Variants in TNIK observed in about 807,000 individuals in gnomAD.
TNIK encodes the protein TRAF2 and NCK interacting kinase.
In TNIK, 49 loss-of-function variants were observed where a neutral mutation model predicts 191.3. That is an observed-to-expected ratio of 0.26 (90% CI 0.20 to 0.32). The LOEUF is 0.32. Ranked by LOEUF, TNIK falls within the 10% of genes least tolerant of loss-of-function variation. The probability of loss-of-function intolerance (pLI) is 1.00; values close to 1 mark genes in which losing one functional copy is unlikely to be tolerated. For missense variants in TNIK, 1,155 were observed against 1,702.3 expected, an observed-to-expected ratio of 0.68 and a Z score of 5.66; for synonymous variants, 594 against 600.9, an observed-to-expected ratio of 0.99 and a Z score of 0.17.
intron 2 of TNIK, among the ~76,000 whole-genome samples, chr3:171,285,434 G>A (rs915464697): frequency 1.1e-4 from 17 of 152,044 alleles, no homozygotes; most frequent in African/African-American, 3.9e-4. Context: ...AGGTGGTGTG[G>A]TAGAGTGGAA....
intron 1 of TNIK, among the ~76,000 whole-genome samples, chr3:171,389,024 A>AT (rs2108540797): frequency 6.6e-6 from 1 of 152,318 alleles, no homozygotes; most frequent in African/African-American, 2.4e-5. Flanking sequence ...AAGCACTTAC[A>AT]TGCATTTTCT....
At chr3:171,435,912 A>G (rs6791254) in intron 1 of TNIK, among the ~76,000 whole-genome samples, 1 of 152,202 alleles carries the variant, frequency 6.6e-6, no homozygotes, top group African/African-American at 2.4e-5. Context: ...AGACAGACAG[A>G]ACAACTCAGA....
At chr3:171,139,595 A>C (rs1318925604) in intron 13 of TNIK, 39 bp from the exon 14 acceptor site, 1 of 1,600,270 alleles carries the variant, frequency 6.2e-7, no homozygotes, top group Non-Finnish European at 8.6e-7. Context: ...AGGAACAGAA[A>C]GAAAGAGAGA....
rs375830723 is a variant in TNIK at position 171,123,654 on chromosome 3, A to G, written c.2062T>C (p.Ser688Pro). The change falls in exon 18 of 33, where the codon TCT becomes CCT. Residue 688 changes from serine (S) to proline (P), a missense_variant. Coordinates refer to ENST00000436636, the MANE Select transcript of TNIK (RefSeq NM_015028.4). ...CCCAGAGCACTACCATTCCCAGGAG[A>G]ATTCTTTCTGGCTAATGCTGGGGAT... The part of the protein sequence containing the change: ...SISPALARKN[S>P]PGNGSALGPR... The G allele has an allele frequency of 2.2e-5, 34 of 1,579,066 alleles. No individual in the cohort carries two copies. In the African/African-American group the frequency reaches 4.6e-4, roughly 21 times the overall value.
intron 10 of TNIK, among the ~76,000 whole-genome samples, chr3:171,163,071 A>C (rs899785384): frequency 7.9e-5 from 12 of 152,342 alleles, no homozygotes; most frequent in South Asian, 6.2e-4. Flanking sequence ...CAACATATCC[A>C]CATGAGTAAG....
At chr3:171,382,510 C>T (rs1381890421) in intron 1 of TNIK, among the ~76,000 whole-genome samples, 1 of 152,148 alleles carries the variant, frequency 6.6e-6, no homozygotes, top group African/African-American at 2.4e-5. Flanking sequence ...CATGAGCCAC[C>T]GTGCCCGGCC....
chr3:171,313,013 T>C (rs1754215542), intron 2 of TNIK, among the ~76,000 whole-genome samples: 1 of 152,088 alleles, frequency 6.6e-6, no homozygotes, highest in African/African-American at 2.4e-5. Flanking sequence ...CCCAGGGTGC[T>C]ACGCCGAATA....
intron 3 of TNIK, among the ~76,000 whole-genome samples, chr3:171,220,961 G>T (rs1026892242): frequency 6.6e-6 from 1 of 152,048 alleles, no homozygotes; most frequent in African/African-American, 2.4e-5. Context: ...ATGAACATGC[G>T]CAGAGACCCA....
chr3:171,194,223 A>G (rs1448270010), intron 5 of TNIK, among the ~76,000 whole-genome samples: 1 of 152,212 alleles, frequency 6.6e-6, no homozygotes, highest in Non-Finnish European at 1.5e-5. Flanking sequence ...ATCTAAAATC[A>G]GGTTTCTAAT....
intron 2 of TNIK, among the ~76,000 whole-genome samples, chr3:171,248,785 A>G (rs1210320502): frequency 6.6e-6 from 1 of 152,240 alleles, no homozygotes; most frequent in East Asian, 1.9e-4. Context: ...ACCATTTTAC[A>G]AGTGAGACAA....
chr3:171,316,942 GATATATATCATATA>G (rs1754677049), intron 2 of TNIK, among the ~76,000 whole-genome samples: 1 of 129,172 alleles, frequency 7.7e-6, no homozygotes, highest in African/African-American at 2.9e-5. Context: ...ATAATTATAT[GATATATATCATATA>G]AAATATATAA....
intron 1 of TNIK, among the ~76,000 whole-genome samples, chr3:171,393,486 C>T (rs1288226317): frequency 6.6e-6 from 1 of 152,216 alleles, no homozygotes; most frequent in African/African-American, 2.4e-5. Context: ...CATGACCCTA[C>T]CACTGGTTTT....
chr3:171,181,539 A>T (rs1356195435), intron 7 of TNIK, among the ~76,000 whole-genome samples: 1 of 152,194 alleles, frequency 6.6e-6, no homozygotes, highest in African/African-American at 2.4e-5. Flanking sequence ...GCAGTTAGGG[A>T]TGTGACATAG....
chr3:171,343,847 CA>C (rs1711700331), intron 2 of TNIK, among the ~76,000 whole-genome samples: 2 of 152,118 alleles, frequency 1.3e-5, no homozygotes, highest in Admixed American at 6.6e-5. Context: ...GTGGTTTACC[CA>C]AAAGGCATAA....
At chr3:171,152,002 C>T (rs959895587) in intron 12 of TNIK, among the ~76,000 whole-genome samples, 39 of 152,060 alleles carry the variant, frequency 2.6e-4, no homozygotes, top group Admixed American at 7.9e-4. Flanking sequence ...GAATGGTGAC[C>T]GGGCATGGTG....
At chr3:171,439,533 C>A (rs1266817268) in intron 1 of TNIK, 2 of 152,136 alleles carry the variant, frequency 1.3e-5, no homozygotes, top group African/African-American at 4.8e-5. Context: ...CAGTGCTTGA[C>A]ACGTGGCCAG....
At chr3:171,251,112 A>G (rs1746171602) in intron 2 of TNIK, among the ~76,000 whole-genome samples, 1 of 152,224 alleles carries the variant, frequency 6.6e-6, no homozygotes, top group Non-Finnish European at 1.5e-5. Flanking sequence ...GACAGGTTAA[A>G]GGTGGGCAAC....
intron 2 of TNIK, among the ~76,000 whole-genome samples, chr3:171,255,286 A>G (rs2109100247): frequency 6.6e-6 from 1 of 152,316 alleles, no homozygotes; most frequent in East Asian, 1.9e-4. Context: ...AAATGAACCA[A>G]AAAGATTCTT....
chr3:171,234,363 CT>C lies in TNIK; in HGVS notation c.124-6143del, dbSNP rs1744015352. Reference sequence around the variant, plus strand: ...GCCATTCGTTGGTGGCTTAAAAACCCTGCTCTCCATATGTGCAGAACTGTAA... The same window carrying C: ...GCCATTCGTTGGTGGCTTAAAAACCCGCTCTCCATATGTGCAGAACTGTAA... On this transcript the variant is annotated intron_variant, in intron 2 of 32. Coordinates refer to ENST00000436636, the MANE Select transcript of TNIK (RefSeq NM_015028.4). Among the ~76,000 whole-genome samples, 3 of 152,206 alleles carry C rather than the reference CT, an allele frequency of 2.0e-5. No individual in the cohort carries two copies. In the South Asian group the frequency reaches 6.2e-4, roughly 32 times the overall value.
Sources: allele counts gnomAD v4.1 joint callset (sites outside exome capture counted in the v4.1 genomes callset), GRCh38; gene constraint gnomAD v4.1.1; transcripts MANE v1.5; gene names NCBI Gene and HGNC (gene_info 2026-07-23, HGNC 2026-07-21).